Variants in ABCD2 observed in about 807,000 individuals in gnomAD.
The protein encoded by ABCD2 is ATP binding cassette subfamily D member 2, also known as ATP-binding cassette sub-family D member 2.
ABCD2 carries 36 observed loss-of-function variants against 70.9 expected under a neutral mutation model. The observed-to-expected ratio is 0.51, with a 90% CI of 0.39 to 0.67. The LOEUF is 0.67. Ranked by LOEUF, ABCD2 falls within the 30% of genes least tolerant of loss-of-function variation. The pLI is 0.00. For synonymous variants in ABCD2, 304 were observed against 306.9 expected (o/e 0.99, Z 0.10); for missense variants, 729 against 890.2 (o/e 0.82, Z 2.30).
At chr12:39,538,863 G>T in the ABCD2 span, among the ~76,000 whole-genome samples, 5 of 152,144 alleles carry the variant, frequency 3.3e-5, no homozygotes, top group African/African-American at 4.8e-5. Context: ...TCTGAAGATC[G>T]AGAAAGACGC....
At chr12:39,579,681 C>T (rs1941570349) in intron 7 of ABCD2, 62 bp from the exon 8 acceptor site, 1 of 1,310,692 alleles carries the variant, frequency 7.6e-7, no homozygotes, top group Non-Finnish European at 1.1e-6. Context: ...ACTATTTCTA[C>T]CCTAGACAAG....
chr12:39,576,250 C>T (rs1183582129), intron 8 of ABCD2, among the ~76,000 whole-genome samples: 1 of 152,142 alleles, frequency 6.6e-6, no homozygotes, highest in Non-Finnish European at 1.5e-5. Flanking sequence ...ATCTCCGCCT[C>T]CTGGGTTCAA....
At chr12:39,614,024 G>A (rs899734439) in intron 2 of ABCD2, among the ~76,000 whole-genome samples, 13 of 152,094 alleles carry the variant, frequency 8.5e-5, no homozygotes, top group Non-Finnish European at 1.9e-4. Context: ...GATCATGTTA[G>A]CAAACATCTA....
In ABCD2 at chr12:39,580,891, G is replaced by T. The variant is rs542068596; in HGVS notation, c.1793-1272C>A. ...AACAGGAAAGAAAATAGCCCTCATT[G>T]CTTTATGTGTACTGTGTATCTGAAA... is the stretch of plus-strand genomic sequence containing the variant. On this transcript the variant is annotated intron_variant, in intron 7 of 9. Coordinates refer to ENST00000308666, the MANE Select transcript of ABCD2 (RefSeq NM_005164.4). 5.3e-5 allele frequency among the ~76,000 whole-genome samples: 8 copies of T among 152,254 alleles called. No individual in the cohort carries two copies. In the South Asian group the frequency reaches 1.7e-3, roughly 32 times the overall value.
At chr12:39,568,588 C>A (rs912722216) in intron 9 of ABCD2, among the ~76,000 whole-genome samples, 3 of 152,058 alleles carry the variant, frequency 2.0e-5, no homozygotes, top group African/African-American at 7.2e-5. Context: ...TCCTTTAGCT[C>A]GGAGTAGTTT....
chr12:39,573,249 A>G (rs1229133120), intron 9 of ABCD2, among the ~76,000 whole-genome samples: 1 of 151,994 alleles, frequency 6.6e-6, no homozygotes, highest in East Asian at 1.9e-4. Context: ...AATTTAGCTC[A>G]TTTTTCTTTA....
rs566900405 is a variant in ABCD2, at chr12:39,607,143, G to T, written c.1236+456C>A. 4.6e-5 allele frequency among the ~76,000 whole-genome samples: 7 copies of T among 152,286 alleles called. No individual in the cohort carries two copies. In the South Asian group the frequency reaches 1.4e-3, roughly 32 times the overall value. The stretch of plus-strand genomic sequence containing the variant: ...GAAATGTTATTAGCTAACATTTATT[G>T]AGTGTTTAATATGTGCTGTTTTAAA... On this transcript the variant is annotated intron_variant, in intron 3 of 9. Coordinates refer to ENST00000308666, the MANE Select transcript of ABCD2 (RefSeq NM_005164.4).
intron 9 of ABCD2, among the ~76,000 whole-genome samples, chr12:39,556,659 C>G (rs1384239848): frequency 6.6e-6 from 1 of 152,094 alleles, no homozygotes; most frequent in African/African-American, 2.4e-5. Context: ...CAGACTAATA[C>G]AGTAAATTGG....
At chr12:39,600,349 C>G (rs1232973213) in intron 6 of ABCD2, among the ~76,000 whole-genome samples, 4 of 152,020 alleles carry the variant, frequency 2.6e-5, no homozygotes, top group Non-Finnish European at 5.9e-5. Flanking sequence ...AGTATTTATT[C>G]CATCTAGACA....
the ABCD2 span, among the ~76,000 whole-genome samples, chr12:39,536,796 GTGTT>G: frequency 6.6e-5 from 10 of 152,204 alleles, no homozygotes; most frequent in South Asian, 2.1e-3. Flanking sequence ...TTGAGTGTGT[GTGTT>G]TGTTTTTTGG....
At chr12:39,613,127 C>T (rs1942067335) in intron 2 of ABCD2, among the ~76,000 whole-genome samples, 1 of 137,754 alleles carries the variant, frequency 7.3e-6, no homozygotes, top group Admixed American at 6.9e-5. Context: ...TGGCTCACGC[C>T]TGTAATCCCA....
the ABCD2 span, among the ~76,000 whole-genome samples, chr12:39,543,291 G>A: frequency 3.3e-5 from 5 of 152,294 alleles, no homozygotes; most frequent in Non-Finnish European, 5.9e-5. Context: ...AAGCCAGCGT[G>A]ACATTTGGAC....
At chr12:39,560,162 G>A (rs551435573) in intron 9 of ABCD2, among the ~76,000 whole-genome samples, 1 of 152,012 alleles carries the variant, frequency 6.6e-6, no homozygotes, top group Admixed American at 6.6e-5. Flanking sequence ...TCTCCCTGCT[G>A]CCCCCACCCC....
rs1941250815 is a variant in ABCD2 at position 39,561,104 on chromosome 12, A to G, written c.2004-6973T>C. On this transcript the variant is annotated intron_variant, in intron 9 of 9. Transcript: ENST00000308666. ...GGATTAAGTTCTCCAATTAAAACAC[A>G]TAGTTTCTGGGCCAGGTGCAGTGGC... Among the ~76,000 whole-genome samples the G allele has an allele frequency of 2.0e-5, 3 of 152,094 alleles. No individual in the cohort carries two copies. The South Asian group carries it at 6.2e-4, about 31-fold the overall frequency.
downstream of ABCD2, among the ~76,000 whole-genome samples, chr12:39,547,593 T>C (rs1001864664): frequency 1.6e-4 from 24 of 152,254 alleles, no homozygotes; most frequent in African/African-American, 2.9e-4. Context: ...ATTCCACTTA[T>C]ATAATGTATC....
At chr12:39,564,865 A>G (rs1410285147) in intron 9 of ABCD2, among the ~76,000 whole-genome samples, 1 of 152,218 alleles carries the variant, frequency 6.6e-6, no homozygotes, top group Non-Finnish European at 1.5e-5. Flanking sequence ...CAGTTTTCCC[A>G]GCACCATTTA....
intron 2 of ABCD2, among the ~76,000 whole-genome samples, chr12:39,611,547 C>T (rs1359564909): frequency 6.6e-6 from 1 of 152,052 alleles, no homozygotes; most frequent in East Asian, 1.9e-4. Context: ...CATATATAAA[C>T]ATCCATTCTA....
chr12:39,619,652 G>A lies in ABCD2; in HGVS notation c.-37C>T. ...CCCAAACCGGCTTCCAAAAGAATTC[G>A]TTTTAAAAGATCATGCTTCACAGAA... On this transcript the variant is annotated 5_prime_UTR_variant, in exon 1 of 10. In the 5' UTR this introduces an upstream ATG that the reference lacks. Transcript: ENST00000308666. The A allele has an allele frequency of 6.4e-7, 1 of 1,560,078 alleles. No homozygotes were observed. Among genetic ancestry groups the A allele is most frequent in the Non-Finnish European group, 8.7e-7 (1 of 1,150,896 alleles).
intron 3 of ABCD2, among the ~76,000 whole-genome samples, chr12:39,605,433 C>T (rs532507203): frequency 1.2e-4 from 19 of 152,074 alleles, no homozygotes; most frequent in Non-Finnish European, 2.8e-4. Flanking sequence ...TGAGAGCAAG[C>T]TCAATGAAAA....
Sources: gnomAD v4.1 joint callset for allele counts (sites outside exome capture counted in the v4.1 genomes callset) on GRCh38, gnomAD v4.1.1 for gene constraint, MANE v1.5 for transcripts, NCBI Gene and HGNC (gene_info 2026-07-23, HGNC 2026-07-21) for gene names.